Variants in SEC63 observed in about 807,000 individuals in gnomAD.
The protein encoded by SEC63 is SEC63 protein translocation regulator.
In SEC63, 56 loss-of-function variants were observed where a neutral mutation model predicts 116.2. The observed-to-expected ratio is 0.48, with a 90% CI of 0.39 to 0.60. SEC63 has a LOEUF of 0.60. SEC63 is among the 20% of genes least tolerant of loss of function. SEC63 has a pLI of 0.00. For missense variants in SEC63, 668 were observed against 900.0 expected, an observed-to-expected ratio of 0.74 and a Z score of 3.30; for synonymous variants, 273 against 294.6, an observed-to-expected ratio of 0.93 and a Z score of 0.75.
At chr6:107,881,740 A>G (rs962369601) in intron 17 of SEC63, among the ~76,000 whole-genome samples, 1 of 152,166 alleles carries the variant, frequency 6.6e-6, no homozygotes, top group Non-Finnish European at 1.5e-5. Flanking sequence ...TGTACCTTGC[A>G]TAAGATGTGT....
chr6:107,955,711 C>T (rs1405123984), intron 1 of SEC63, among the ~76,000 whole-genome samples: 1 of 151,718 alleles, frequency 6.6e-6, no homozygotes, highest in Non-Finnish European at 1.5e-5. Flanking sequence ...CATGGTGAAA[C>T]CCCATCTTTA....
intron 1 of SEC63, among the ~76,000 whole-genome samples, chr6:107,953,840 G>T (rs1252749253): frequency 7.0e-6 from 1 of 142,980 alleles, no homozygotes; most frequent in South Asian, 2.1e-4. Context: ...CCGGGAGGGA[G>T]GTGGGGGGGT....
intron 5 of SEC63, 43 bp downstream of exon 5, chr6:107,913,323 A>G (rs372545029): frequency 8.5e-7 from 1 of 1,170,912 alleles, no homozygotes. Flanking sequence ...TTTTTATAAT[A>G]TATACCATAT....
At chr6:107,926,416 G>C (rs1049743207) in intron 2 of SEC63, among the ~76,000 whole-genome samples, 2 of 151,912 alleles carry the variant, frequency 1.3e-5, no homozygotes, top group Admixed American at 6.6e-5. Context: ...AACAAAATTG[G>C]AATGATTTGT....
Position 107,893,896 on chromosome 6 carries a change from T to G in SEC63, c.1442A>C (p.Glu481Ala), listed in dbSNP as rs1562319025. 1 of 1,614,030 alleles carries G rather than the reference T, an allele frequency of 6.2e-7. No homozygotes were observed. The highest frequency in any genetic ancestry group is 8.5e-7 in the Non-Finnish European group (1 of 1,179,964). ...LVKLTRQTMAEVFEKEQSICA... is the reference protein window; with the variant it reads ...LVKLTRQTMAAVFEKEQSICA... ...GATGGACTGCTCCTTTTCAAATACT[T>G]CCTGGGGGGCGGCAAGAAGAGAAAT... Residue 481 changes from glutamate (E) to alanine (A), a missense_variant and splice_region_variant, in exon 15 of 21, where the codon GAA becomes GCA. Glu to Ala is a moderately radical substitution (Grantham distance 107). Around this residue, in one of 5 missense-constraint regions of SEC63, gnomAD observed 430 missense variants for 557.5 expected, o/e 0.77. Transcript: ENST00000369002.
At chr6:107,897,570 A>C (rs1251894274) in intron 14 of SEC63, 79 bp downstream of exon 14, 3 of 1,017,574 alleles carry the variant, frequency 2.9e-6, no homozygotes, top group African/African-American at 1.6e-5. Context: ...AACAGTTTTG[A>C]CTTTGACAAT....
chr6:107,927,383 A>C (rs1219624564), intron 2 of SEC63, among the ~76,000 whole-genome samples: 1 of 152,170 alleles, frequency 6.6e-6, no homozygotes, highest in East Asian at 1.9e-4. Flanking sequence ...TCATCTTTAG[A>C]AGCAACTTCC....
chr6:107,934,974 C>T (rs1398567426), intron 1 of SEC63, among the ~76,000 whole-genome samples: 12 of 116,042 alleles, frequency 1.0e-4, no homozygotes, highest in Non-Finnish European at 1.7e-4. Flanking sequence ...GGCCAGCCGC[C>T]CCGTCCGGCA....
Position 107,893,464 on chromosome 6 carries a change from C to T in SEC63, c.1674+18G>A, listed in dbSNP as rs531530099. The T allele has an allele frequency of 1.4e-5, 23 of 1,606,228 alleles. No homozygotes were observed. Among genetic ancestry groups the T allele is most frequent in the Admixed American group, 5.0e-5 (3 of 59,912 alleles). On this transcript the variant is annotated intron_variant, in intron 16 of 20. Transcript: ENST00000369002. Reference sequence around the variant, plus strand: ...TATTTTAGCTTAATAATGATAATAACGATAATAATAAACTTACATTCCCAA... The same window carrying T: ...TATTTTAGCTTAATAATGATAATAATGATAATAATAAACTTACATTCCCAA...
Position 107,912,716 on chromosome 6 carries a change from C to A in SEC63, c.573G>T (p.Leu191=). Residue 191 remains leucine, a splice_region_variant and synonymous_variant, in exon 6 of 21, where the codon CTG becomes CTT. Coordinates refer to ENST00000369002, the MANE Select transcript of SEC63 (RefSeq NM_007214.5). ...ATGTATCTTATTTAAATGCACTCACCAGAATTGAGTTTTTCTGGTCAACTA... is the reference window on the plus strand; with the variant it reads ...ATGTATCTTATTTAAATGCACTCACAAGAATTGAGTTTTTCTGGTCAACTA... ...AWIVDQKNSI[L]VLLVYGLAFM... is the part of the protein sequence containing the mutation. The A allele has an allele frequency of 6.3e-7, 1 of 1,599,008 alleles. No individual in the cohort carries two copies. Among genetic ancestry groups the A allele is most frequent in the Non-Finnish European group, 8.6e-7 (1 of 1,166,740 alleles).
chr6:107,876,298 T>C (rs969703128), intron 19 of SEC63, among the ~76,000 whole-genome samples: 2 of 152,142 alleles, frequency 1.3e-5, no homozygotes, highest in African/African-American at 4.8e-5. Context: ...AGGAAAGGTG[T>C]ATGTTCTTAG....
At chr6:107,873,001 C>A in intron 19 of SEC63, 89 bp from the exon 20 acceptor site, 2 of 810,986 alleles carry the variant, frequency 2.5e-6, no homozygotes, top group African/African-American at 1.7e-5. Context: ...TATTTAACAG[C>A]CAGGTTTTTT....
intron 1 of SEC63, among the ~76,000 whole-genome samples, chr6:107,940,991 G>C (rs1267453730): frequency 6.6e-6 from 1 of 151,984 alleles, no homozygotes. Context: ...CCAAAAACAG[G>C]TAAAACAAAG....
At chr6:107,920,962 G>T (rs918496387) in intron 4 of SEC63, among the ~76,000 whole-genome samples, 1 of 152,142 alleles carries the variant, frequency 6.6e-6, no homozygotes, top group Non-Finnish European at 1.5e-5. Context: ...AAATTATTTG[G>T]AAGTTCTGAA....
At chr6:107,894,957 G>A (rs956228898) in intron 14 of SEC63, among the ~76,000 whole-genome samples, 6 of 152,090 alleles carry the variant, frequency 3.9e-5, no homozygotes, top group Admixed American at 3.9e-4. Flanking sequence ...TTCAGCAGTT[G>A]CTACAAACAC....
chr6:107,916,296 C>A (rs1787398059), intron 4 of SEC63, among the ~76,000 whole-genome samples: 3 of 152,276 alleles, frequency 2.0e-5, no homozygotes, highest in East Asian at 1.9e-4. Context: ...AAGACAGTAA[C>A]CTCAAGGACA....
At chr6:107,954,677 G>C (rs940104275) in intron 1 of SEC63, 1 of 152,112 alleles carries the variant, frequency 6.6e-6, no homozygotes, top group Non-Finnish European at 1.5e-5. Context: ...TTATTTTGCA[G>C]CAAACTTCTG....
chr6:107,944,339 A>G (rs1455429366), intron 1 of SEC63, among the ~76,000 whole-genome samples: 1 of 152,184 alleles, frequency 6.6e-6, no homozygotes, highest in African/African-American at 2.4e-5. Context: ...AAAGATCTCT[A>G]TTAGATATCC....
At chr6:107,891,568 C>A (rs556228581) in intron 16 of SEC63, among the ~76,000 whole-genome samples, 1 of 152,020 alleles carries the variant, frequency 6.6e-6, no homozygotes, top group Non-Finnish European at 1.5e-5. Flanking sequence ...TCTGTCAGTT[C>A]GTCACATTCA....
Sources: allele counts gnomAD v4.1 joint callset (sites outside exome capture counted in the v4.1 genomes callset), GRCh38; gene constraint gnomAD v4.1.1; regional missense constraint gnomAD v4.1.1; transcripts MANE v1.5; gene names NCBI Gene and HGNC (gene_info 2026-07-23, HGNC 2026-07-21).